The following CHTF8 variants were observed in gnomAD, a reference collection of about 807,000 sequenced individuals.
CHTF8 encodes the protein chromosome transmission fidelity protein 8 homolog.
In CHTF8, 6 loss-of-function variants were observed where a neutral mutation model predicts 11.0. That is an observed-to-expected ratio of 0.55 (90% CI 0.30 to 1.08). CHTF8 has a LOEUF of 1.08. CHTF8 is among the 50% of genes least tolerant of loss of function. The pLI, the probability that CHTF8 is intolerant of heterozygous loss-of-function variation, is 0.07. For missense variants in CHTF8, 140 were observed against 153.1 expected (o/e 0.91, Z 0.45); for synonymous variants, 53 against 60.5 (o/e 0.88, Z 0.57).
Position 69,119,254 on chromosome 16 carries a change from T to C in CHTF8, c.*1171A>G. On this transcript the variant is annotated 3_prime_UTR_variant, in exon 4 of 4. Transcript: ENST00000448552. ...TGGGAAAATGGTTGGATTTGAGCCC[T>C]GGAGGCCAGCGGACCTTTGGAAGGT... 2.8e-6 allele frequency: 2 copies of C among 703,014 alleles called. No homozygotes were observed. The highest frequency in any genetic ancestry group is 1.7e-5 in the African/African-American group (1 of 57,384). 43.5% of individuals were successfully genotyped at this position (703,014 alleles called of 1,614,324 possible).
Position 69,118,931 on chromosome 16 carries a change from C to A in CHTF8, c.*1494G>T. The A allele has an allele frequency of 1.4e-6, 1 of 703,116 alleles. No individual in the cohort carries two copies. Among genetic ancestry groups the A allele is most frequent in the Non-Finnish European group, 2.6e-6 (1 of 385,034 alleles). The allele number at this position is 703,116 out of a possible 1,614,324, so 43.6% of individuals were successfully genotyped here. On this transcript the variant is annotated 3_prime_UTR_variant, in exon 4 of 4. Transcript: ENST00000448552. ...CTGGGGAAAGCAGCTGGGTTTGTGC[C>A]AGGGAGGCTCCCCACTCTAGGAAAT...
At chr16:69,123,772 T>C (rs1205160136) in intron 1 of CHTF8, among the ~76,000 whole-genome samples, 1 of 152,040 alleles carries the variant, frequency 6.6e-6, no homozygotes, top group African/African-American at 2.4e-5. Flanking sequence ...CACTTAGATA[T>C]GAAAATATCT....
intron 1 of CHTF8, among the ~76,000 whole-genome samples, chr16:69,129,156 T>C (rs927057395): frequency 6.8e-6 from 1 of 147,686 alleles, no homozygotes; most frequent in African/African-American, 2.5e-5. Context: ...AGAGGCCGGG[T>C]GCGGTGGCTC....
At position 69,121,501 on chromosome 16, in the gene CHTF8, G is replaced by C. The variant is rs1191493078; in HGVS notation, c.-35-8C>G. 1 of 1,526,208 alleles carries C rather than the reference G, an allele frequency of 6.6e-7. No individual in the cohort carries two copies. The highest frequency in any genetic ancestry group is 8.9e-7 in the Non-Finnish European group (1 of 1,118,856). The allele number at this position is 1,526,208 out of a possible 1,614,324, so 94.5% of individuals were successfully genotyped here. ...AAAGCAAGTGAAAACAAGCTGTAGA[G>C]AGAAAAAAAGAGATTTAGGGTAATA... On this transcript the variant is annotated splice_region_variant and splice_polypyrimidine_tract_variant and intron_variant, in intron 1 of 3. Coordinates refer to ENST00000448552, the MANE Select transcript of CHTF8 (RefSeq NM_001039690.5).
intron 1 of CHTF8, among the ~76,000 whole-genome samples, chr16:69,126,793 T>C (rs1287982192): frequency 1.3e-5 from 2 of 152,216 alleles, no homozygotes; most frequent in African/African-American, 4.8e-5. Context: ...AAATATCCTG[T>C]AACACCTGAA....
At chr16:69,122,469 T>C (rs1282416814) in intron 1 of CHTF8, among the ~76,000 whole-genome samples, 2 of 151,576 alleles carry the variant, frequency 1.3e-5, no homozygotes, top group African/African-American at 4.8e-5. Context: ...GCTTCCCGGG[T>C]TCAAGTGATT....
intron 1 of CHTF8, among the ~76,000 whole-genome samples, chr16:69,122,770 G>C (rs1477568037): frequency 6.6e-6 from 1 of 152,048 alleles, no homozygotes; most frequent in African/African-American, 2.4e-5. Flanking sequence ...TCGAACTCCT[G>C]ACTTCAGGTT....
chr16:69,121,764 TTCA>T (rs777477005), intron 1 of CHTF8, among the ~76,000 whole-genome samples: 3 of 151,286 alleles, frequency 2.0e-5, no homozygotes, highest in African/African-American at 4.9e-5. Flanking sequence ...GCCTCCGGGG[TTCA>T]TGCCATTCTC....
intron 1 of CHTF8, among the ~76,000 whole-genome samples, chr16:69,129,468 C>T (rs1182972239): frequency 1.3e-5 from 2 of 151,066 alleles, no homozygotes; most frequent in Non-Finnish European, 2.9e-5. Context: ...AAGTAAAGTC[C>T]AGGCAGAACA....
chr16:69,128,448 T>A (rs912835775), intron 1 of CHTF8, among the ~76,000 whole-genome samples: 4 of 152,240 alleles, frequency 2.6e-5, no homozygotes, highest in African/African-American at 9.6e-5. Flanking sequence ...ACCAAACCTT[T>A]CCCTGCAATA....
chr16:69,130,219 T>C (rs564301895), intron 1 of CHTF8, among the ~76,000 whole-genome samples: 1 of 152,190 alleles, frequency 6.6e-6, no homozygotes, highest in African/African-American at 2.4e-5. Flanking sequence ...ACCGAACATA[T>C]GGCTTATAGC....
At chr16:69,128,592 C>T (rs1962259471) in intron 1 of CHTF8, among the ~76,000 whole-genome samples, 2 of 152,108 alleles carry the variant, frequency 1.3e-5, no homozygotes. Context: ...ACGACTTTAT[C>T]TCAGTAAAGG....
chr16:69,129,623 G>A (rs1330623908), intron 1 of CHTF8, among the ~76,000 whole-genome samples: 1 of 152,158 alleles, frequency 6.6e-6, no homozygotes, highest in Non-Finnish European at 1.5e-5. Flanking sequence ...GCTTAGAGGA[G>A]CTAAATGTTA....
At position 69,119,478 on chromosome 16, in the gene CHTF8, C is replaced by T. The variant is rs978737356; in HGVS notation, c.*947G>A. On this transcript the variant is annotated 3_prime_UTR_variant, in exon 4 of 4. Coordinates refer to ENST00000448552, the MANE Select transcript of CHTF8 (RefSeq NM_001039690.5). Reference sequence around the variant, plus strand: ...GGCCAATTCCCCGAGAGCTAGGACCCGAGTTTGGGCCCATGGGGCCAGGTA... The same window carrying T: ...GGCCAATTCCCCGAGAGCTAGGACCTGAGTTTGGGCCCATGGGGCCAGGTA... 2 of 702,920 alleles carry T rather than the reference C, an allele frequency of 2.8e-6. No homozygotes were observed. The highest frequency in any genetic ancestry group is 5.2e-6 in the Non-Finnish European group (2 of 384,994). The allele number at this position is 702,920 out of a possible 1,614,324, so 43.5% of individuals were successfully genotyped here. A position where few individuals can be genotyped will look rare whatever the true frequency, so the allele number is the denominator to read the frequency against.
chr16:69,127,163 G>C (rs528952925), intron 1 of CHTF8, among the ~76,000 whole-genome samples: 1 of 151,832 alleles, frequency 6.6e-6, no homozygotes, highest in Non-Finnish European at 1.5e-5. Context: ...GCTTGAACCT[G>C]GGAGGCGGAG....
chr16:69,118,128 C>CCCCCCCCCCCA lies in CHTF8; in HGVS notation c.*2296_*2297insTGGGGGGGGGG. On this transcript the variant is annotated 3_prime_UTR_variant, in exon 4 of 4. Transcript: ENST00000448552. ...AGTGATTTCTTCCCTTCATCCCCCA[C>CCCCCCCCCCCA]CCCCACCCTAATTCCCATATTCCCA... 2.8e-6 allele frequency: 1 copy of CCCCCCCCCCCA among 355,370 alleles called. No individual in the cohort carries two copies. Among genetic ancestry groups the CCCCCCCCCCCA allele is most frequent in the Non-Finnish European group, 5.2e-6 (1 of 193,306 alleles). 22.0% of individuals were successfully genotyped at this position (355,370 alleles called of 1,614,324 possible). A position where few individuals can be genotyped will look rare whatever the true frequency, so the allele number is the denominator to read the frequency against.
chr16:69,119,544 A>T lies in CHTF8; in HGVS notation c.*881T>A, dbSNP rs1438182073. On this transcript the variant is annotated 3_prime_UTR_variant, in exon 4 of 4. Transcript: ENST00000448552. The stretch of plus-strand genomic sequence containing the variant: ...ATGGGCTTGTGCCCATGTTTCCAGA[A>T]GCCTGTGAGAAAGAAGCTGAATTTG... 2.8e-6 allele frequency: 2 copies of T among 702,772 alleles called. No homozygotes were observed. Among genetic ancestry groups the T allele is most frequent in the African/African-American group, 3.5e-5 (2 of 57,256 alleles). 43.5% of individuals were successfully genotyped at this position (702,772 alleles called of 1,614,324 possible). A position where few individuals can be genotyped will look rare whatever the true frequency, so the allele number is the denominator to read the frequency against.
intron 2 of CHTF8, 30 bp downstream of exon 2, chr16:69,121,406 C>G (rs118093016): frequency 6.3e-7 from 1 of 1,590,516 alleles, no homozygotes. Context: ...TCATTTCAAG[C>G]CAAATTTTAA....
chr16:69,121,209 G>C, intron 2 of CHTF8, 39 bp from the exon 3 acceptor site: 1 of 1,570,306 alleles, frequency 6.4e-7, no homozygotes, highest in Non-Finnish European at 8.7e-7. Context: ...ATTTTTGAGG[G>C]GTGAAGGATG....
Sources: gnomAD v4.1 joint callset for allele counts (sites outside exome capture counted in the v4.1 genomes callset) on GRCh38, gnomAD v4.1.1 for gene constraint, MANE v1.5 for transcripts, NCBI Gene and HGNC (gene_info 2026-07-23, HGNC 2026-07-21) for gene names.